PCDH15: variants seen among roughly 807,000 people sequenced by gnomAD.
The protein encoded by PCDH15 is protocadherin-15.
Under a neutral mutation model 178.5 loss-of-function variants are expected in PCDH15, and 129 were observed. That is an observed-to-expected ratio of 0.72 (90% confidence interval 0.63 to 0.84). The LOEUF is 0.84. Among genes scored for constraint, PCDH15 ranks in the 40% least tolerant of loss-of-function variants. The pLI is 0.00. For synonymous variants in PCDH15, 800 were observed against 732.0 expected, an observed-to-expected ratio of 1.09 and a Z score of -1.50; for missense variants, 2,230 against 2,099.9, an observed-to-expected ratio of 1.06 and a Z score of -1.21.
chr10:54,238,677 T>TCTCTCTCTCA (rs1186937599), intron 8 of PCDH15, among the ~76,000 whole-genome samples: 6 of 144,260 alleles, frequency 4.2e-5, no homozygotes, highest in African/African-American at 8.1e-5. Flanking sequence ...TCTCTCTCTC[T>TCTCTCTCTCA]CACACACACA....
At chr10:55,490,842 A>C (rs1450975841) in intron 2 of PCDH15, among the ~76,000 whole-genome samples, 1 of 151,812 alleles carries the variant, frequency 6.6e-6, no homozygotes, top group Non-Finnish European at 1.5e-5. Context: ...ACGTTAAAGC[A>C]TGTCATAATG....
At chr10:54,506,507 T>C (rs1048574615) in intron 3 of PCDH15, among the ~76,000 whole-genome samples, 3 of 152,052 alleles carry the variant, frequency 2.0e-5, no homozygotes, top group African/African-American at 7.2e-5. Flanking sequence ...CTTGTCCTAA[T>C]ACCTAGTAAG....
chr10:54,805,712 G>T (rs1404165188), upstream of PCDH15, among the ~76,000 whole-genome samples: 1 of 152,054 alleles, frequency 6.6e-6, no homozygotes, highest in Admixed American at 6.6e-5. Flanking sequence ...TTTCCAACAG[G>T]CAGACTGTTA....
At chr10:55,352,835 A>G (rs1219781659) in intron 2 of PCDH15, among the ~76,000 whole-genome samples, 12 of 152,104 alleles carry the variant, frequency 7.9e-5, no homozygotes, top group Admixed American at 4.6e-4. Flanking sequence ...CTTGCACCAA[A>G]AAAAGGTCAT....
chr10:54,293,533 C>A (rs1224991868), intron 8 of PCDH15, among the ~76,000 whole-genome samples: 1 of 152,110 alleles, frequency 6.6e-6, no homozygotes, highest in African/African-American at 2.4e-5. Flanking sequence ...AACAGGCAAC[C>A]TACAGAATGG....
intron 15 of PCDH15, among the ~76,000 whole-genome samples, chr10:54,128,178 C>A (rs932739671): frequency 6.6e-6 from 1 of 152,114 alleles, no homozygotes; most frequent in Non-Finnish European, 1.5e-5. Context: ...TATCAAGCAA[C>A]AATCCTGTGA....
At chr10:54,361,921 G>A (rs1167226661) in intron 5 of PCDH15, among the ~76,000 whole-genome samples, 2 of 152,040 alleles carry the variant, frequency 1.3e-5, no homozygotes, top group Non-Finnish European at 2.9e-5. Context: ...GAGTGAGAAT[G>A]TTTTGGTTAC....
At chr10:54,950,607 G>A (rs1201085397) in intron 2 of PCDH15, among the ~76,000 whole-genome samples, 2 of 151,938 alleles carry the variant, frequency 1.3e-5, no homozygotes, top group East Asian at 3.9e-4. Flanking sequence ...CCAGTCTTGG[G>A]TATGTCTTTA....
chr10:54,200,356 T>C (rs4935504), intron 10 of PCDH15, among the ~76,000 whole-genome samples: 133,855 of 148,852 alleles, frequency 0.9, 60,329 homozygotes, highest in East Asian at 0.98. Flanking sequence ...ACACGTCCCA[T>C]GGTGGTTTGC....
At chr10:54,602,975 A>C (rs2134111923) in intron 2 of PCDH15, among the ~76,000 whole-genome samples, 1 of 152,034 alleles carries the variant, frequency 6.6e-6, no homozygotes, top group Admixed American at 6.6e-5. Context: ...GGCTACATGA[A>C]ATGAGTTTGT....
chr10:54,214,071 T>A, intron 9 of PCDH15, 23 bp from the exon 10 acceptor site: 1 of 1,308,782 alleles, frequency 7.6e-7, no homozygotes, highest in East Asian at 2.3e-5. Flanking sequence ...GAGATTTCAG[T>A]ACATAATTGA....
At chr10:53,866,967 C>T in intron 26 of PCDH15, 110 bp from the exon 27 acceptor site, 1 of 746,404 alleles carries the variant, frequency 1.3e-6, no homozygotes, top group Non-Finnish European at 2.3e-6. Flanking sequence ...AATAATAACA[C>T]AATAAAGCCC....
chr10:55,294,549 T>C (rs1433849039), intron 1 of PCDH15, among the ~76,000 whole-genome samples: 2 of 152,226 alleles, frequency 1.3e-5, no homozygotes, highest in Non-Finnish European at 2.9e-5. Flanking sequence ...TACTTCACTG[T>C]TCTTGACTCA....
At chr10:54,206,434 T>C (rs1039141427) in intron 10 of PCDH15, among the ~76,000 whole-genome samples, 14 of 152,062 alleles carry the variant, frequency 9.2e-5, no homozygotes, top group African/African-American at 2.9e-4. Context: ...GTAACTTTTT[T>C]TCTGTGAATC....
intron 9 of PCDH15, among the ~76,000 whole-genome samples, chr10:54,227,883 C>T (rs1265464112): frequency 6.6e-6 from 1 of 152,180 alleles, no homozygotes; most frequent in Non-Finnish European, 1.5e-5. Context: ...TAACAAGAGT[C>T]ACCTTTGCTC....
intron 28 of PCDH15, among the ~76,000 whole-genome samples, chr10:53,855,461 T>C (rs1479983243): frequency 1.3e-5 from 2 of 152,062 alleles, no homozygotes; most frequent in African/African-American, 4.8e-5. Flanking sequence ...ATTCCATGCA[T>C]AAATGTTGAT....
intron 2 of PCDH15, among the ~76,000 whole-genome samples, chr10:55,083,258 T>C (rs1842088128): frequency 6.6e-6 from 1 of 151,842 alleles, no homozygotes; most frequent in Non-Finnish European, 1.5e-5. Context: ...ATATGCAAAT[T>C]AATCAGCATG....
intron 2 of PCDH15, among the ~76,000 whole-genome samples, chr10:55,077,717 T>G (rs1841942061): frequency 6.6e-6 from 1 of 152,094 alleles, no homozygotes. Flanking sequence ...TGGCTACTTT[T>G]TGTATTTTTA....
chr10:53,940,931 C>G lies in PCDH15; in HGVS notation c.3167G>C (p.Gly1056Ala), dbSNP rs1330652725. The change falls in exon 24 of 38, where the codon GGT becomes GCT. Residue 1056 changes from glycine to alanine, a missense_variant. Transcript: ENST00000644397. Reference protein sequence around the residue: ...SELATKGTMVGVISAAAINQS... With the variant: ...SELATKGTMVAVISAAAINQS... ...ATTAATGGCAGCAGCAGAAATTACA[C>G]CAACCATGGTCCCTTTGGTGGCAAG... The G allele has an allele frequency of 6.2e-7, 1 of 1,613,600 alleles. No individual in the cohort carries two copies. Among genetic ancestry groups the G allele is most frequent in the Non-Finnish European group, 8.5e-7 (1 of 1,179,702 alleles).
Sources: allele counts gnomAD v4.1 joint callset (sites outside exome capture counted in the v4.1 genomes callset), GRCh38; gene constraint gnomAD v4.1.1; transcripts MANE v1.5; gene names NCBI Gene and HGNC (gene_info 2026-07-23, HGNC 2026-07-21).